Variants in BAZ2B observed in about 807,000 individuals in gnomAD.
BAZ2B encodes the protein bromodomain adjacent to zinc finger domain 2B, also known as bromodomain adjacent to zinc finger domain protein 2B.
Under a neutral mutation model 246.0 loss-of-function variants are expected in BAZ2B, and 91 were observed. The observed-to-expected ratio is 0.37, with a 90% confidence interval of 0.31 to 0.44. The LOEUF is 0.44. Ranked by LOEUF, BAZ2B falls within the 20% of genes least tolerant of loss-of-function variation. BAZ2B has a pLI of 1.00. For synonymous variants in BAZ2B, 855 were observed against 860.0 expected (o/e 0.99, Z 0.10); for missense variants, 2,332 against 2,533.7 (o/e 0.92, Z 1.71).
In BAZ2B at chr2:159,438,587, T is replaced by A; in HGVS notation, c.1009A>T (p.Thr337Ser). Residue 337 changes from threonine (T) to serine (S), a missense_variant, in exon 8 of 37, where the codon ACT (threonine) becomes TCT (serine). Physicochemically the swap from Thr to Ser is moderately conservative, Grantham distance 58. Coordinates refer to ENST00000392783, the MANE Select transcript of BAZ2B (RefSeq NM_013450.4). ...QPLPLASESQTHSFQSQQKQP... is the reference protein window; with the variant it reads ...QPLPLASESQSHSFQSQQKQP... ...TTCTGCTGGGATTGGAATGAGTGAG[T>A]CTGGGATTCAGACGCAAGAGGTAAT... The A allele has an allele frequency of 6.2e-7, 1 of 1,614,122 alleles. No individual in the cohort carries two copies. Among genetic ancestry groups the A allele is most frequent in the Non-Finnish European group, 8.5e-7 (1 of 1,179,998 alleles).
chr2:159,625,197 C>T, the BAZ2B span, among the ~76,000 whole-genome samples: 1 of 152,110 alleles, frequency 6.6e-6, no homozygotes, highest in African/African-American at 2.4e-5. Flanking sequence ...ACCAAACCTA[C>T]ATTTGACTGG....
At chr2:159,436,114 T>C (rs9287789) in intron 8 of BAZ2B, among the ~76,000 whole-genome samples, 69,939 of 151,990 alleles carry the variant, frequency 0.46, 17,455 homozygotes, top group Middle Eastern at 0.6. Context: ...GTGTTTTCGT[T>C]TGTTAGAACA....
chr2:159,500,693 C>T (rs369018412), intron 2 of BAZ2B, among the ~76,000 whole-genome samples: 68 of 152,244 alleles, frequency 4.5e-4, no homozygotes, highest in African/African-American at 1.6e-3. Flanking sequence ...GTGGTTCATG[C>T]CTGTAATCCC....
intron 1 of BAZ2B, among the ~76,000 whole-genome samples, chr2:159,594,761 G>A (rs748097272): frequency 1.3e-5 from 2 of 151,916 alleles, no homozygotes; most frequent in South Asian, 4.2e-4. Context: ...TCTCCCAAGC[G>A]GCTGGGACTA....
the BAZ2B span, among the ~76,000 whole-genome samples, chr2:159,705,947 C>T: frequency 7.3e-5 from 10 of 137,822 alleles, no homozygotes; most frequent in African/African-American, 1.6e-4. Context: ...AACAACTAAA[C>T]ATCAATAGGG....
At chr2:159,686,077 C>A in the BAZ2B span, among the ~76,000 whole-genome samples, 1 of 152,188 alleles carries the variant, frequency 6.6e-6, no homozygotes, top group African/African-American at 2.4e-5. Context: ...CCTTGGGAAA[C>A]ATAGCCAAGA....
At chr2:159,407,397 G>A (rs776186036) in intron 14 of BAZ2B, among the ~76,000 whole-genome samples, 10 of 152,046 alleles carry the variant, frequency 6.6e-5, no homozygotes, top group Admixed American at 1.3e-4. Flanking sequence ...GCTTGATCCC[G>A]GGAGGAAGAG....
chr2:159,352,734 A>AGATTACAGGCATGAGCTTTGG (rs1422503593), intron 27 of BAZ2B, among the ~76,000 whole-genome samples: 3 of 152,176 alleles, frequency 2.0e-5, no homozygotes, highest in African/African-American at 7.2e-5. Context: ...ATCCACCTGC[A>AGATTACAGGCATGAGCTTTGG]GATTACAGGC....
chr2:159,542,958 A>G (rs2086834958), intron 2 of BAZ2B, among the ~76,000 whole-genome samples: 1 of 152,210 alleles, frequency 6.6e-6, no homozygotes, highest in African/African-American at 2.4e-5. Flanking sequence ...TTTGAATCCT[A>G]AACTTCACTG....
At chr2:159,366,298 C>T (rs2060210550) in intron 27 of BAZ2B, among the ~76,000 whole-genome samples, 1 of 152,116 alleles carries the variant, frequency 6.6e-6, no homozygotes, top group Non-Finnish European at 1.5e-5. Context: ...GTGTGTTAAC[C>T]CCAGAAAAAC....
intron 36 of BAZ2B, among the ~76,000 whole-genome samples, chr2:159,320,940 T>G (rs1332234967): frequency 6.6e-6 from 1 of 152,228 alleles, no homozygotes. Context: ...TTCTCTTCTC[T>G]TCATATGTGC....
intron 33 of BAZ2B, among the ~76,000 whole-genome samples, chr2:159,334,385 T>G (rs746631734): frequency 6.6e-6 from 1 of 152,176 alleles, no homozygotes; most frequent in Admixed American, 6.5e-5. Flanking sequence ...TAAAGCATAC[T>G]GTGGGTAGAG....
intron 2 of BAZ2B, among the ~76,000 whole-genome samples, chr2:159,496,783 C>CAAAAAAA (rs10713062): frequency 4.7e-5 from 3 of 64,202 alleles, no homozygotes; most frequent in Non-Finnish European, 8.2e-5. Flanking sequence ...AACTCCGTCT[C>CAAAAAAA]AAAAAAAAAA....
In BAZ2B at chr2:159,350,080, C is replaced by A. The variant is rs372921429; in HGVS notation, c.4491G>T (p.Thr1497=). The part of the protein sequence containing the change: ...PKPNAGANGC[T]LSYQNSGKHS... The stretch of plus-strand genomic sequence containing the variant: ...GTTTTCCACTGTTCTGATAAGACAA[C>A]GTGCACCCATTTGCACCAGCATTTG... Residue 1497 remains threonine, a synonymous_variant, in exon 28 of 37, where the codon ACG becomes ACT. Transcript: ENST00000392783. The A allele has an allele frequency of 8.1e-6, 13 of 1,613,994 alleles. No homozygotes were observed. In the African/African-American group the frequency reaches 1.5e-4, roughly 18 times the overall value.
At chr2:159,376,956 T>C (rs768139207) in intron 25 of BAZ2B, among the ~76,000 whole-genome samples, 4 of 152,136 alleles carry the variant, frequency 2.6e-5, no homozygotes, top group African/African-American at 4.8e-5. Context: ...AACAGCATCA[T>C]TATATGTCCC....
At chr2:159,331,735 T>C (rs1200081740) in intron 34 of BAZ2B, among the ~76,000 whole-genome samples, 4 of 152,140 alleles carry the variant, frequency 2.6e-5, no homozygotes, top group Admixed American at 6.6e-5. Context: ...TACAAAGGTA[T>C]AGGTGCTAGA....
chr2:159,569,925 G>A (rs1448381305), intron 1 of BAZ2B, among the ~76,000 whole-genome samples: 1 of 152,042 alleles, frequency 6.6e-6, no homozygotes, highest in Non-Finnish European at 1.5e-5. Context: ...AAGTAAGCCA[G>A]GTCAATAGAT....
intron 27 of BAZ2B, among the ~76,000 whole-genome samples, chr2:159,352,335 A>AC (rs1296082416): frequency 7.2e-5 from 11 of 151,960 alleles, no homozygotes; most frequent in East Asian, 3.9e-4. Flanking sequence ...TAAAATTAGG[A>AC]CCCCCCATTC....
chr2:159,711,630 T>C, the BAZ2B span, among the ~76,000 whole-genome samples: 5 of 152,234 alleles, frequency 3.3e-5, no homozygotes, highest in Non-Finnish European at 7.3e-5. Flanking sequence ...TAAAAAACTT[T>C]TGATTCATTA....
Sources: allele counts gnomAD v4.1 joint callset (sites outside exome capture counted in the v4.1 genomes callset), GRCh38; gene constraint gnomAD v4.1.1; transcripts MANE v1.5; gene names NCBI Gene and HGNC (gene_info 2026-07-23, HGNC 2026-07-21).